The following SRGAP2 variants were observed in gnomAD, a reference collection of about 807,000 sequenced individuals.
The protein encoded by SRGAP2 is SLIT-ROBO Rho GTPase-activating protein 2.
SRGAP2 carries 15 observed loss-of-function variants against 57.2 expected under a neutral mutation model. That is an observed-to-expected ratio of 0.26 (90% CI 0.18 to 0.40). The LOEUF (loss-of-function observed/expected upper bound fraction) is 0.40. Among genes scored for constraint, SRGAP2 ranks in the 10% least tolerant of loss-of-function variants. The pLI, the probability that SRGAP2 is intolerant of heterozygous loss-of-function variation, is 1.00. For synonymous variants in SRGAP2, 249 were observed against 248.0 expected (o/e 1.00, Z -0.04); for missense variants, 520 against 669.6 (o/e 0.78, Z 2.47).
At chr1:206,424,711 G>A (rs555471363) in intron 13 of SRGAP2, among the ~76,000 whole-genome samples, 2 of 152,334 alleles carry the variant, frequency 1.3e-5, no homozygotes, top group East Asian at 1.9e-4. Flanking sequence ...AAGGGCAGTG[G>A]TGAAGTGCAG....
intron 4 of SRGAP2, among the ~76,000 whole-genome samples, chr1:206,363,729 TGGATTCA>T (rs1677078678): frequency 6.6e-6 from 1 of 152,198 alleles, no homozygotes; most frequent in African/African-American, 2.4e-5. Flanking sequence ...TCCTCATGGT[TGGATTCA>T]GTTTAAGCAA....
intron 10 of SRGAP2, chr1:206,407,782 GCACAAA>G (rs1553357931): frequency 6.8e-6 from 1 of 147,462 alleles, no homozygotes; most frequent in African/African-American, 2.5e-5. Flanking sequence ...TTCTATGCAT[GCACAAA>G]CACATATGTG....
chr1:206,430,643 A>G (rs566581508), intron 14 of SRGAP2, among the ~76,000 whole-genome samples: 2 of 152,368 alleles, frequency 1.3e-5, no homozygotes, highest in East Asian at 3.9e-4. Flanking sequence ...CCAATGTTGC[A>G]GTGATTCCTA....
Position 206,302,818 on chromosome 1 carries a change from TG to T in SRGAP2, c.68-459del. On this transcript the variant is annotated intron_variant, in intron 2 of 22. Coordinates refer to ENST00000573034, the MANE Select transcript of SRGAP2 (RefSeq NM_015326.5). ...AGCATGGTCTCTAAAGTCAGTCTCT[TG>T]GGGTTTGAATCCCAGCTTCACCACT... Among the ~76,000 whole-genome samples, 5 of 131,182 alleles carry T rather than the reference TG, an allele frequency of 3.8e-5. No individual in the cohort carries two copies. In the South Asian group the frequency reaches 1.4e-3, roughly 36 times the overall value. The allele number at this position is 131,182 out of a possible 152,430, so 86.1% of individuals were successfully genotyped here.
intron 2 of SRGAP2, among the ~76,000 whole-genome samples, chr1:206,210,107 G>T (rs1448305490): frequency 2.0e-5 from 3 of 149,992 alleles, no homozygotes; most frequent in Non-Finnish European, 4.4e-5. Context: ...TAGCCTGTTA[G>T]CTTGTTGCTG....
chr1:206,318,668 G>A (rs1386652420), intron 3 of SRGAP2, among the ~76,000 whole-genome samples: 35 of 152,190 alleles, frequency 2.3e-4, no homozygotes, highest in Non-Finnish European at 4.3e-4. Context: ...GAGGCCTCAG[G>A]AAGCTTACAA....
intron 21 of SRGAP2, 142 bp from the exon 22 acceptor site, chr1:206,458,481 G>A: frequency 1.4e-6 from 1 of 715,164 alleles, no homozygotes; most frequent in Non-Finnish European, 2.6e-6. Context: ...TGCAAGAGAA[G>A]ATGAAGCCGA....
chr1:206,396,976 T>TA (rs1657657407), intron 7 of SRGAP2, among the ~76,000 whole-genome samples: 1 of 152,014 alleles, frequency 6.6e-6, no homozygotes, highest in African/African-American at 2.4e-5. Flanking sequence ...ACTTAAGTGT[T>TA]ACAGTTTCAA....
intron 2 of SRGAP2, among the ~76,000 whole-genome samples, chr1:206,244,627 T>G (rs1266737841): frequency 2.7e-5 from 4 of 150,606 alleles, no homozygotes; most frequent in Non-Finnish European, 5.9e-5. Flanking sequence ...GGCCTGAAAT[T>G]GTGGTATTAC....
chr1:206,256,778 C>T (rs1359718013), intron 2 of SRGAP2, among the ~76,000 whole-genome samples: 4 of 152,100 alleles, frequency 2.6e-5, no homozygotes, highest in Non-Finnish European at 5.9e-5. Flanking sequence ...GAGTTATAAG[C>T]ATAGCCCTCA....
At chr1:206,353,952 A>T (rs1676238905) in intron 4 of SRGAP2, among the ~76,000 whole-genome samples, 2 of 151,286 alleles carry the variant, frequency 1.3e-5, no homozygotes, top group South Asian at 2.1e-4. Context: ...GGTGTGTACC[A>T]TCATGCTTGG....
intron 18 of SRGAP2, 83 bp from the exon 19 acceptor site, chr1:206,450,303 G>A (rs999665063): frequency 2.6e-5 from 19 of 730,138 alleles, no homozygotes; most frequent in African/African-American, 1.2e-4. Context: ...CAGTGCCCTC[G>A]CGCCAGGGAG....
At chr1:206,431,034 G>A (rs1553368174) in intron 14 of SRGAP2, among the ~76,000 whole-genome samples, 1 of 152,154 alleles carries the variant, frequency 6.6e-6, no homozygotes, top group African/African-American at 2.4e-5. Flanking sequence ...TGGAGCTAAG[G>A]AGGTAGATAA....
At position 206,441,022 on chromosome 1, in the gene SRGAP2, G is replaced by A. The variant is rs1553371847; in HGVS notation, c.1874+941G>A. Among the ~76,000 whole-genome samples, 8 of 152,278 alleles carry A rather than the reference G, an allele frequency of 5.3e-5. 1 individual carries two copies. Among genetic ancestry groups the A allele is most frequent in the Admixed American group, 2.6e-4 (4 of 15,310 alleles). ...AGCGGTGAGGAGGGGTCAGGTTTGT[G>A]ATACATTTTGAACATAGCATTAACA... On this transcript the variant is annotated intron_variant, in intron 17 of 22. Transcript: ENST00000573034.
intron 14 of SRGAP2, among the ~76,000 whole-genome samples, chr1:206,433,797 T>G (rs1171193080): frequency 6.6e-6 from 1 of 152,198 alleles, no homozygotes; most frequent in African/African-American, 2.4e-5. Flanking sequence ...TTGTCTTGAC[T>G]GTAATATAAA....
chr1:206,419,446 G>A (rs1224098076), intron 12 of SRGAP2, 46 bp downstream of exon 12: 1 of 780,286 alleles, frequency 1.3e-6, no homozygotes, highest in Non-Finnish European at 2.4e-6. Context: ...GAGGCTTGGT[G>A]GGTAGAGCAA....
chr1:206,278,076 A>T (rs1387895354), intron 2 of SRGAP2, among the ~76,000 whole-genome samples: 23 of 151,926 alleles, frequency 1.5e-4, no homozygotes, highest in Middle Eastern at 3.4e-3. Flanking sequence ...ACAATTATTC[A>T]TTCATTTATT....
rs1200499290 is a variant in SRGAP2, at chr1:206,221,525, G to A, written c.67+15488G>A. On this transcript the variant is annotated intron_variant, in intron 2 of 22. Coordinates refer to ENST00000573034, the MANE Select transcript of SRGAP2 (RefSeq NM_015326.5). Reference sequence around the variant, plus strand: ...ATATCACATAGAGAGGGAGCTGAGTGTGTAAACTTGCCAGCTCGGGTCCCT... The same window carrying A: ...ATATCACATAGAGAGGGAGCTGAGTATGTAAACTTGCCAGCTCGGGTCCCT... Among the ~76,000 whole-genome samples, 4 of 150,764 alleles carry A rather than the reference G, an allele frequency of 2.7e-5. No homozygotes were observed. In the East Asian group the frequency reaches 7.8e-4, roughly 29 times the overall value.
chr1:206,395,746 C>T (rs1184500117), intron 7 of SRGAP2, among the ~76,000 whole-genome samples: 1 of 150,690 alleles, frequency 6.6e-6, no homozygotes, highest in Non-Finnish European at 1.5e-5. Flanking sequence ...ACAACCTTTG[C>T]AATCCATAGA....
Sources: allele counts gnomAD v4.1 joint callset (sites outside exome capture counted in the v4.1 genomes callset), GRCh38; gene constraint gnomAD v4.1.1; transcripts MANE v1.5; gene names NCBI Gene and HGNC (gene_info 2026-07-23, HGNC 2026-07-21).